The following MICAL3 variants were observed in gnomAD, a reference collection of about 807,000 sequenced individuals.
The protein encoded by MICAL3 is microtubule associated monooxygenase, calponin and LIM domain containing 3.
In MICAL3, 62 loss-of-function variants were observed where a neutral mutation model predicts 207.4. That is an observed-to-expected ratio of 0.30 (90% CI 0.24 to 0.37). MICAL3 has a LOEUF of 0.37. MICAL3 is among the 10% of genes least tolerant of loss of function. The pLI is 1.00. For synonymous variants in MICAL3, 1,077 were observed against 1,069.3 expected (o/e 1.01, Z -0.14); for missense variants, 2,368 against 2,635.6 (o/e 0.90, Z 2.22).
At position 17,957,726 on chromosome 22, in the gene MICAL3, A is replaced by AG. The variant is rs1556470857; in HGVS notation, c.-74-50841_-74-50840insC. On this transcript the variant is annotated intron_variant, in intron 1 of 31. Coordinates refer to ENST00000441493, the MANE Select transcript of MICAL3 (RefSeq NM_015241.3). Reference sequence around the variant, plus strand: ...ACTATGTCAAAAAAAAAAAAAAAAAAAGAGAGAGAAAGAAAACGAGAGAGA... The same window carrying AG: ...ACTATGTCAAAAAAAAAAAAAAAAAAGAGAGAGAGAAAGAAAACGAGAGAGA... Among the ~76,000 whole-genome samples, 1,067 of 118,436 alleles carry AG rather than the reference A, an allele frequency of 9.0e-3. 8 individuals carry two copies. Among genetic ancestry groups the AG allele is most frequent in the African/African-American group, 0.025 (699 of 28,194 alleles). 77.7% of individuals were successfully genotyped at this position (118,436 alleles called of 152,430 possible). A position where few individuals can be genotyped will look rare whatever the true frequency, so the allele number is the denominator to read the frequency against.
intron 19 of MICAL3, among the ~76,000 whole-genome samples, chr22:17,855,722 C>T (rs1177438927): frequency 6.6e-6 from 1 of 152,248 alleles, no homozygotes; most frequent in Non-Finnish European, 1.5e-5. Flanking sequence ...GTGATGAAAT[C>T]CTTTGCCTTT....
chr22:17,933,384 C>T (rs1251708661), intron 1 of MICAL3, among the ~76,000 whole-genome samples: 1 of 152,118 alleles, frequency 6.6e-6, no homozygotes, highest in African/African-American at 2.4e-5. Flanking sequence ...GGCTACATAA[C>T]AAAATGAAAG....
chr22:17,817,608 A>G lies in MICAL3; in HGVS notation c.5053T>C (p.Ser1685Pro). The part of the protein sequence containing the change: ...PPSDSGGPDG[S>P]FTSSEGSSGK... ...CTGGAGCCCTCGGATGAAGTGAAAG[A>G]GCCATCTGGGCCCCCTGAGTCCGAC... Residue 1685 changes from serine (S) to proline (P), a missense_variant, in exon 26 of 32, where the codon TCT becomes CCT. Physicochemically the swap from Ser to Pro is moderately conservative, Grantham distance 74. This residue lies in a region of MICAL3 where 1,770 missense variants were observed against 1,863.2 expected (regional missense o/e 0.95). Transcript: ENST00000441493. 6.2e-7 allele frequency: 1 copy of G among 1,612,880 alleles called. No homozygotes were observed. Among genetic ancestry groups the G allele is most frequent in the South Asian group, 1.1e-5 (1 of 91,050 alleles).
At position 17,895,277 on chromosome 22, in the gene MICAL3, G is replaced by A. The variant is rs1196813480; in HGVS notation, c.1449+7C>T. On this transcript the variant is annotated splice_region_variant and intron_variant, in intron 10 of 31. Coordinates refer to ENST00000441493, the MANE Select transcript of MICAL3 (RefSeq NM_015241.3). ...CCCAGATGTAAATACTGACAAGAAGGTCTTACCTGGCTTGGCCGGAGGAAG... is the reference window on the plus strand; with the variant it reads ...CCCAGATGTAAATACTGACAAGAAGATCTTACCTGGCTTGGCCGGAGGAAG... The A allele has an allele frequency of 6.2e-7, 1 of 1,613,174 alleles. No homozygotes were observed. Among genetic ancestry groups the A allele is most frequent in the Non-Finnish European group, 8.5e-7 (1 of 1,179,546 alleles).
intron 1 of MICAL3, among the ~76,000 whole-genome samples, chr22:18,002,249 G>C (rs567032262): frequency 6.6e-6 from 1 of 152,206 alleles, no homozygotes; most frequent in African/African-American, 2.4e-5. Context: ...CTTAGTTGCC[G>C]CAAAATGAAA....
intron 1 of MICAL3, among the ~76,000 whole-genome samples, chr22:17,907,218 A>AG (rs79371913): frequency 0.32 from 48,313 of 150,098 alleles, 9,030 homozygotes; most frequent in East Asian, 0.72. Context: ...TTGGTGGTGA[A>AG]GGGGGGGGGT....
chr22:17,908,280 A>G (rs1931888351), intron 1 of MICAL3, among the ~76,000 whole-genome samples: 1 of 152,120 alleles, frequency 6.6e-6, no homozygotes, highest in Admixed American at 6.6e-5. Context: ...GTGTAAGACA[A>G]GGAGGTTAGA....
chr22:17,945,007 CCTTT>C (rs1316443123), intron 1 of MICAL3, among the ~76,000 whole-genome samples: 4 of 116,136 alleles, frequency 3.4e-5, no homozygotes, highest in African/African-American at 9.2e-5. Context: ...CACTGGGGGA[CCTTT>C]TTTTTTTTTT....
At chr22:17,909,645 A>G (rs1931984984) in intron 1 of MICAL3, among the ~76,000 whole-genome samples, 1 of 152,256 alleles carries the variant, frequency 6.6e-6, no homozygotes, top group Non-Finnish European at 1.5e-5. Flanking sequence ...TTCCCCAAAA[A>G]AGAAAGGTTT....
At chr22:17,876,644 GGGACTGGGTA>G (rs1318419756) in intron 16 of MICAL3, 2 of 152,660 alleles carry the variant, frequency 1.3e-5, no homozygotes, top group Non-Finnish European at 2.9e-5. Context: ...GGAGGAGTGG[GGGACTGGGTA>G]GGACTGGGTA....
intron 1 of MICAL3, among the ~76,000 whole-genome samples, chr22:17,969,147 A>ATTC (rs71714556): frequency 0.017 from 2,597 of 152,182 alleles, 61 homozygotes; most frequent in African/African-American, 0.056. Flanking sequence ...GGTTCAAGCA[A>ATTC]TTCTGCCTCA....
chr22:17,808,985 C>T (rs141435130), intron 28 of MICAL3, 48 bp from the exon 29 acceptor site: 5 of 1,462,348 alleles, frequency 3.4e-6, no homozygotes, highest in Middle Eastern at 1.7e-4. Flanking sequence ...AGCCCTGCTT[C>T]AGGAGGACAC....
At chr22:17,936,357 T>G (rs1181927639) in intron 1 of MICAL3, among the ~76,000 whole-genome samples, 1 of 152,024 alleles carries the variant, frequency 6.6e-6, no homozygotes, top group Non-Finnish European at 1.5e-5. Flanking sequence ...TTCTCACTCA[T>G]AGGTGGGAAC....
intron 17 of MICAL3, among the ~76,000 whole-genome samples, chr22:17,871,214 T>C (rs1927692787): frequency 6.6e-6 from 1 of 152,198 alleles, no homozygotes; most frequent in African/African-American, 2.4e-5. Context: ...GTGTGCAGAA[T>C]TCTCTACTGT....
chr22:17,802,217 T>TGTA (rs2061947996), intron 29 of MICAL3, among the ~76,000 whole-genome samples: 2 of 152,140 alleles, frequency 1.3e-5, no homozygotes, highest in Non-Finnish European at 2.9e-5. Context: ...CACGTGCCAC[T>TGTA]ATGCCCAGCT....
At chr22:17,821,370 T>A (rs1921625177) in intron 25 of MICAL3, 57 bp downstream of exon 25, 2 of 1,435,614 alleles carry the variant, frequency 1.4e-6, no homozygotes, top group South Asian at 2.6e-5. Context: ...GAAGTTAATA[T>A]GTGTCCTTGG....
intron 19 of MICAL3, among the ~76,000 whole-genome samples, chr22:17,852,145 C>A (rs1341246694): frequency 6.6e-6 from 1 of 152,184 alleles, no homozygotes; most frequent in Non-Finnish European, 1.5e-5. Context: ...AGAGACAAAC[C>A]CACGTTCCAA....
chr22:17,892,131 T>C (rs546312271), intron 11 of MICAL3, among the ~76,000 whole-genome samples: 6 of 152,346 alleles, frequency 3.9e-5, no homozygotes, highest in Non-Finnish European at 8.8e-5. Flanking sequence ...TCCAAGGCAC[T>C]GTATAACTTG....
chr22:17,880,001 C>T (rs1929268683), intron 16 of MICAL3, among the ~76,000 whole-genome samples: 1 of 152,168 alleles, frequency 6.6e-6, no homozygotes, highest in South Asian at 2.1e-4. Flanking sequence ...TCCGAGGAGC[C>T]AGAAGCGGCA....
Sources: allele counts gnomAD v4.1 joint callset (sites outside exome capture counted in the v4.1 genomes callset), GRCh38; gene constraint gnomAD v4.1.1; regional missense constraint gnomAD v4.1.1; transcripts MANE v1.5; gene names NCBI Gene and HGNC (gene_info 2026-07-23, HGNC 2026-07-21).